The following AKAP13 variants were observed in gnomAD, a reference collection of about 807,000 sequenced individuals.
AKAP13 encodes A-kinase anchor protein 13.
AKAP13 carries 80 observed loss-of-function variants against 264.5 expected under a neutral mutation model. The observed-to-expected ratio is 0.30, with a 90% CI of 0.25 to 0.36. The LOEUF (loss-of-function observed/expected upper bound fraction) is 0.36. Ranked by LOEUF, AKAP13 falls within the 10% of genes least tolerant of loss-of-function variation. The pLI is 1.00. For synonymous variants in AKAP13, 1,380 were observed against 1,250.2 expected (o/e 1.10, Z -2.19); for missense variants, 3,712 against 3,435.2 (o/e 1.08, Z -2.01).
At chr15:85,653,314 G>A (rs2082947948) in intron 10 of AKAP13, among the ~76,000 whole-genome samples, 1 of 152,176 alleles carries the variant, frequency 6.6e-6, no homozygotes. Context: ...AGGGCAATTT[G>A]AGTTGAAATC....
At chr15:85,562,585 A>G (rs2078427619) in intron 5 of AKAP13, among the ~76,000 whole-genome samples, 1 of 134,302 alleles carries the variant, frequency 7.4e-6, no homozygotes, top group African/African-American at 2.7e-5. Flanking sequence ...ATATATATAT[A>G]TATATATATA....
chr15:85,749,010 G>T lies in AKAP13; in HGVS notation c.*4333G>T, dbSNP rs1049253820. The T allele has an allele frequency of 2.6e-5, 4 of 152,360 alleles. No individual in the cohort carries two copies. Among genetic ancestry groups the T allele is most frequent in the Non-Finnish European group, 4.4e-5 (3 of 68,156 alleles). The allele number at this position is 152,360 out of a possible 1,614,324, so 9.4% of individuals were successfully genotyped here. On this transcript the variant is annotated 3_prime_UTR_variant, in exon 37 of 37. Transcript: ENST00000394518. ...TGTGGTCTCCTGTGTGCTGCTGCCC[G>T]CATGGGATGCGCAGGGGAGGCGTGG...
rs879417407 is a variant in AKAP13, at chr15:85,580,039, A to C, written c.1971A>C (p.Gly657=). ...GKSSPICSTT[G]DDKLCADSAC... is the part of the protein sequence containing the mutation. ...CCTCACCCATTTGTTCTACAACTGG[A>C]GACGATAAACTTTGTGCAGACTCTG... The change falls in exon 7 of 37, where the codon GGA becomes GGC. Residue 657 remains glycine, a synonymous_variant. Transcript: ENST00000394518. The C allele has an allele frequency of 6.2e-7, 1 of 1,614,208 alleles. No individual in the cohort carries two copies. The highest frequency in any genetic ancestry group is 1.7e-5 in the Admixed American group (1 of 60,022).
intron 1 of AKAP13, among the ~76,000 whole-genome samples, chr15:85,389,011 G>C (rs908903459): frequency 1.3e-5 from 2 of 152,162 alleles, no homozygotes; most frequent in Non-Finnish European, 2.9e-5. Context: ...TTTCATTGAA[G>C]AATTGGGCTC....
intron 1 of AKAP13, among the ~76,000 whole-genome samples, chr15:85,404,485 GC>G (rs1351301466): frequency 4.6e-5 from 7 of 152,204 alleles, no homozygotes; most frequent in Admixed American, 1.3e-4. Context: ...TACTTTGTGT[GC>G]CAATGTGGAG....
intron 8 of AKAP13, chr15:85,620,115 C>T (rs2081113059): frequency 2.0e-6 from 3 of 1,536,090 alleles, no homozygotes; most frequent in Middle Eastern, 1.7e-4. Context: ...ACAAGAGGCG[C>T]TACAGCCTCT....
rs764458601 is a variant in AKAP13 at position 85,581,692 on chromosome 15, C to T, written c.3624C>T (p.Ala1208=). The T allele has an allele frequency of 1.2e-6, 2 of 1,614,076 alleles. No homozygotes were observed. Among genetic ancestry groups the T allele is most frequent in the East Asian group, 4.5e-5 (2 of 44,878 alleles). The change falls in exon 7 of 37, where the codon GCC becomes GCT. Residue 1208 remains alanine, a synonymous_variant. Transcript: ENST00000394518. ...DMELSAHDDG[A]PAGVREVMRA... ...AGCTCTCAGCCCATGATGATGGGGCCCCAGCTGGTGTGAGGGAAGTCATGC... is the reference window on the plus strand; with the variant it reads ...AGCTCTCAGCCCATGATGATGGGGCTCCAGCTGGTGTGAGGGAAGTCATGC...
At chr15:85,610,453 C>T (rs1038734975) in intron 8 of AKAP13, among the ~76,000 whole-genome samples, 1 of 152,202 alleles carries the variant, frequency 6.6e-6, no homozygotes. Flanking sequence ...CTCTTTGACA[C>T]AATCAAAAGT....
At chr15:85,531,997 C>T (rs886312019) in intron 3 of AKAP13, among the ~76,000 whole-genome samples, 1 of 152,186 alleles carries the variant, frequency 6.6e-6, no homozygotes, top group African/African-American at 2.4e-5. Flanking sequence ...GCATCAGCCT[C>T]GACTCTGAAT....
intron 8 of AKAP13, among the ~76,000 whole-genome samples, chr15:85,632,996 G>T (rs2081911759): frequency 1.3e-5 from 2 of 152,134 alleles, no homozygotes; most frequent in African/African-American, 2.4e-5. Flanking sequence ...CTCCCAAGTA[G>T]CTGGGACTAC....
intron 2 of AKAP13, among the ~76,000 whole-genome samples, chr15:85,518,178 G>A (rs575215338): frequency 2.6e-5 from 4 of 152,210 alleles, no homozygotes; most frequent in African/African-American, 9.6e-5. Flanking sequence ...AGGATGGTAG[G>A]ATTAAAGCAT....
At chr15:85,733,520 T>C (rs1472885369) in intron 30 of AKAP13, among the ~76,000 whole-genome samples, 1 of 152,212 alleles carries the variant, frequency 6.6e-6, no homozygotes, top group South Asian at 2.1e-4. Flanking sequence ...TTCAGGAAGT[T>C]ATTTTTGAAT....
At chr15:85,714,506 G>A (rs1009718990) in intron 19 of AKAP13, among the ~76,000 whole-genome samples, 2 of 152,366 alleles carry the variant, frequency 1.3e-5, no homozygotes, top group East Asian at 3.9e-4. Flanking sequence ...AGGGAGCGCA[G>A]AAGAATCACT....
intron 1 of AKAP13, among the ~76,000 whole-genome samples, chr15:85,391,747 A>G (rs2070867738): frequency 6.6e-6 from 1 of 150,882 alleles, no homozygotes. Context: ...GGCCTCCCAA[A>G]GTGCTGGGAT....
chr15:85,688,456 A>C (rs2085071445), intron 16 of AKAP13, among the ~76,000 whole-genome samples: 1 of 152,234 alleles, frequency 6.6e-6, no homozygotes, highest in Non-Finnish European at 1.5e-5. Context: ...GCATCTACCG[A>C]ATATAATATT....
intron 8 of AKAP13, among the ~76,000 whole-genome samples, chr15:85,611,218 G>T (rs1195010491): frequency 6.6e-6 from 1 of 152,150 alleles, no homozygotes; most frequent in Non-Finnish European, 1.5e-5. Context: ...ACTTCTGTGT[G>T]TTAATTCCCA....
chr15:85,712,830 C>T (rs2086705433), intron 19 of AKAP13, among the ~76,000 whole-genome samples: 1 of 152,180 alleles, frequency 6.6e-6, no homozygotes. Context: ...AGGCGTGAAC[C>T]ACTGTACCTG....
At chr15:85,441,587 G>T (rs2073655993) in intron 1 of AKAP13, among the ~76,000 whole-genome samples, 2 of 151,962 alleles carry the variant, frequency 1.3e-5, no homozygotes, top group Non-Finnish European at 2.9e-5. Context: ...CCTTAGCCAA[G>T]ATCACAAAGA....
intron 8 of AKAP13, among the ~76,000 whole-genome samples, chr15:85,601,447 C>T (rs1408977735): frequency 6.6e-6 from 1 of 152,126 alleles, no homozygotes; most frequent in Non-Finnish European, 1.5e-5. Context: ...AAGGCATTAG[C>T]TTTCATATAG....
Sources: allele counts gnomAD v4.1 joint callset (sites outside exome capture counted in the v4.1 genomes callset), GRCh38; gene constraint gnomAD v4.1.1; transcripts MANE v1.5; gene names NCBI Gene and HGNC (gene_info 2026-07-23, HGNC 2026-07-21).